CDH13: variants seen among roughly 807,000 people sequenced by gnomAD.
The protein encoded by CDH13 is cadherin 13.
CDH13 carries 24 observed loss-of-function variants against 63.8 expected under a neutral mutation model. The observed-to-expected ratio is 0.38, with a 90% CI of 0.27 to 0.53. CDH13 has a LOEUF of 0.53. Among genes scored for constraint, CDH13 ranks in the 20% least tolerant of loss-of-function variants. The pLI, the probability that CDH13 is intolerant of heterozygous loss-of-function variation, is 0.85. For synonymous variants in CDH13, 503 were observed against 355.3 expected (o/e 1.42, Z -4.67); for missense variants, 1,049 against 903.1 (o/e 1.16, Z -2.07).
intron 7 of CDH13, among the ~76,000 whole-genome samples, chr16:83,589,285 C>T (rs545683718): frequency 1.6e-5 from 2 of 128,144 alleles, no homozygotes; most frequent in South Asian, 3.3e-4. Context: ...CTTTCCCCCC[C>T]CCGGACCCCT....
intron 2 of CDH13, among the ~76,000 whole-genome samples, chr16:82,875,750 G>A (rs563673851): frequency 3.9e-5 from 6 of 152,120 alleles, no homozygotes; most frequent in Admixed American, 6.6e-5. Context: ...AAGAGCATTC[G>A]AGAAACTAGC....
chr16:82,653,589 G>C (rs989318450), intron 1 of CDH13, among the ~76,000 whole-genome samples: 1 of 152,134 alleles, frequency 6.6e-6, no homozygotes, highest in Non-Finnish European at 1.5e-5. Flanking sequence ...GGGAAGCTGA[G>C]AGTTGCTTGT....
At chr16:82,911,241 T>C (rs767815769) in intron 2 of CDH13, among the ~76,000 whole-genome samples, 10 of 152,198 alleles carry the variant, frequency 6.6e-5, no homozygotes, top group African/African-American at 1.2e-4. Context: ...CATAATGTGG[T>C]CTGTGTGAAA....
intron 1 of CDH13, among the ~76,000 whole-genome samples, chr16:82,697,228 A>G (rs1250970391): frequency 6.6e-6 from 1 of 152,126 alleles, no homozygotes; most frequent in Non-Finnish European, 1.5e-5. Context: ...ACACTATGTC[A>G]TCAAAGAAGG....
chr16:83,537,297 C>G (rs1369811066), intron 7 of CDH13, among the ~76,000 whole-genome samples: 1 of 152,178 alleles, frequency 6.6e-6, no homozygotes, highest in African/African-American at 2.4e-5. Context: ...AATGAATTGG[C>G]TGATCTATGC....
intron 5 of CDH13, among the ~76,000 whole-genome samples, chr16:83,234,709 C>T (rs1041488673): frequency 6.6e-6 from 1 of 152,192 alleles, no homozygotes; most frequent in Non-Finnish European, 1.5e-5. Context: ...GTAGCCCTAC[C>T]CCCAGCCCCT....
chr16:82,979,845 T>C (rs905420427), intron 2 of CDH13, among the ~76,000 whole-genome samples: 1 of 152,136 alleles, frequency 6.6e-6, no homozygotes. Context: ...AGGGGGAAAG[T>C]GTGGCACAGT....
At chr16:83,492,997 C>G (rs958967503) in intron 7 of CDH13, among the ~76,000 whole-genome samples, 1 of 152,030 alleles carries the variant, frequency 6.6e-6, no homozygotes, top group Non-Finnish European at 1.5e-5. Context: ...CATAGACTAC[C>G]TGTGTTTTTT....
intron 7 of CDH13, among the ~76,000 whole-genome samples, chr16:83,496,933 G>C (rs1443038095): frequency 6.6e-6 from 1 of 152,202 alleles, no homozygotes; most frequent in South Asian, 2.1e-4. Flanking sequence ...CTGGCCATCA[G>C]AGAAATGCAA....
chr16:83,261,276 A>G (rs1372363359), intron 5 of CDH13, among the ~76,000 whole-genome samples: 1 of 152,156 alleles, frequency 6.6e-6, no homozygotes, highest in Non-Finnish European at 1.5e-5. Flanking sequence ...GCTAAACACC[A>G]ACTCTGTGGA....
chr16:83,678,887 C>T (rs1207312498), intron 10 of CDH13, among the ~76,000 whole-genome samples: 1 of 152,172 alleles, frequency 6.6e-6, no homozygotes, highest in Non-Finnish European at 1.5e-5. Flanking sequence ...TTCGCAGATT[C>T]GTAGAGGTTC....
chr16:83,210,323 C>T (rs1479042569), intron 4 of CDH13, among the ~76,000 whole-genome samples: 1 of 151,970 alleles, frequency 6.6e-6, no homozygotes, highest in East Asian at 1.9e-4. Flanking sequence ...CCTCAACCTC[C>T]CAAAGTGCTG....
chr16:82,998,919 C>G (rs72794131), intron 2 of CDH13, among the ~76,000 whole-genome samples: 22,973 of 146,092 alleles, frequency 0.16, 2,160 homozygotes, highest in African/African-American at 0.26. Flanking sequence ...TTCACCAACA[C>G]TTTTCTTGTT....
At chr16:82,847,859 A>G (rs962777748) in intron 1 of CDH13, among the ~76,000 whole-genome samples, 1 of 147,682 alleles carries the variant, frequency 6.8e-6, no homozygotes, top group African/African-American at 2.5e-5. Context: ...TTTTTGCCCC[A>G]TGCTTTTCCT....
chr16:83,187,508 G>C (rs1049592155), intron 4 of CDH13, among the ~76,000 whole-genome samples: 6 of 152,038 alleles, frequency 3.9e-5, no homozygotes, highest in Non-Finnish European at 7.3e-5. Flanking sequence ...CTTGGATACA[G>C]CCTGGCCTGA....
intron 6 of CDH13, among the ~76,000 whole-genome samples, chr16:83,376,132 G>A (rs570834923): frequency 6.6e-6 from 1 of 152,108 alleles, no homozygotes; most frequent in Non-Finnish European, 1.5e-5. Context: ...AAACAAAAAT[G>A]GCCACCTGGC....
chr16:83,229,472 C>T (rs6565154), intron 5 of CDH13, among the ~76,000 whole-genome samples: 150,741 of 152,278 alleles, frequency 0.99, 74,630 homozygotes, highest in Middle Eastern at 1. Context: ...AATATTCTCT[C>T]TTAAAATTTT....
chr16:83,356,430 T>C (rs958050063), intron 6 of CDH13, among the ~76,000 whole-genome samples: 7 of 152,146 alleles, frequency 4.6e-5, no homozygotes, highest in Middle Eastern at 3.4e-3. Context: ...ACTCGAAGAT[T>C]CATAAAGCAT....
chr16:83,763,159 C>T (rs1001771645), intron 11 of CDH13, among the ~76,000 whole-genome samples: 6 of 152,110 alleles, frequency 3.9e-5, no homozygotes, highest in Admixed American at 6.5e-5. Context: ...CATGACTTAG[C>T]AACTTATATA....
Sources: allele counts gnomAD v4.1 joint callset (sites outside exome capture counted in the v4.1 genomes callset), GRCh38; gene constraint gnomAD v4.1.1; transcripts MANE v1.5; gene names NCBI Gene and HGNC (gene_info 2026-07-23, HGNC 2026-07-21).